The following KAT2B variants were observed in gnomAD, a reference collection of about 807,000 sequenced individuals.
The protein encoded by KAT2B is histone acetyltransferase KAT2B.
KAT2B carries 36 observed loss-of-function variants against 105.9 expected under a neutral mutation model. The ratio of observed to expected loss-of-function variants is 0.34; its 90% CI spans 0.26 to 0.45. The LOEUF (loss-of-function observed/expected upper bound fraction) is 0.45. Among genes scored for constraint, KAT2B ranks in the 20% least tolerant of loss-of-function variants. The pLI, the probability that KAT2B is intolerant of heterozygous loss-of-function variation, is 1.00. For synonymous variants in KAT2B, 397 were observed against 377.9 expected (o/e 1.05, Z -0.59); for missense variants, 820 against 1,021.6 (o/e 0.80, Z 2.69).
chr3:20,127,676 T>A, intron 11 of KAT2B, 127 bp downstream of exon 11: 1 of 865,476 alleles, frequency 1.2e-6, no homozygotes, highest in African/African-American at 1.7e-5. Context: ...AAGGACTTTC[T>A]GGGAATAGTC....
intron 12 of KAT2B, among the ~76,000 whole-genome samples, chr3:20,139,318 G>C (rs887681288): frequency 2.0e-5 from 3 of 151,992 alleles, no homozygotes; most frequent in African/African-American, 7.3e-5. Context: ...CATTGTTTGA[G>C]ATGCATTTTA....
At chr3:20,126,230 G>C in intron 10 of KAT2B, 117 bp downstream of exon 10, 1 of 807,254 alleles carries the variant, frequency 1.2e-6, no homozygotes, top group South Asian at 1.7e-5. Flanking sequence ...CTGTCTTGCT[G>C]TGGATACAGA....
intron 1 of KAT2B, among the ~76,000 whole-genome samples, chr3:20,066,270 T>C (rs1698221650): frequency 6.6e-6 from 1 of 152,324 alleles, no homozygotes; most frequent in African/African-American, 2.4e-5. Flanking sequence ...TTCTTCTTTC[T>C]CTTAGGAAAA....
At chr3:20,134,711 C>T (rs1699571460) in intron 11 of KAT2B, among the ~76,000 whole-genome samples, 1 of 152,148 alleles carries the variant, frequency 6.6e-6, no homozygotes, top group Non-Finnish European at 1.5e-5. Context: ...TTATAGGCCA[C>T]CGCGCCCAGC....
chr3:20,063,530 G>T (rs1208934757), intron 1 of KAT2B, among the ~76,000 whole-genome samples: 1 of 131,024 alleles, frequency 7.6e-6, no homozygotes, highest in East Asian at 2.2e-4. Flanking sequence ...TTCTGAGTAG[G>T]CCTCTTTTTT....
At chr3:20,144,800 C>CT (rs201923590) in intron 13 of KAT2B, among the ~76,000 whole-genome samples, 4,685 of 144,150 alleles carry the variant, frequency 0.033, 184 homozygotes, top group East Asian at 0.21. Context: ...CTTTCTTTTT[C>CT]TTTTTTTTTT....
chr3:20,123,257 A>G (rs1699343392), intron 9 of KAT2B, among the ~76,000 whole-genome samples: 1 of 152,180 alleles, frequency 6.6e-6, no homozygotes, highest in African/African-American at 2.4e-5. Context: ...AACACATGTC[A>G]TAATACTTCA....
intron 2 of KAT2B, among the ~76,000 whole-genome samples, chr3:20,094,240 C>A (rs1371487460): frequency 6.6e-6 from 1 of 152,102 alleles, no homozygotes; most frequent in Non-Finnish European, 1.5e-5. Context: ...GAAGGCAAGT[C>A]TTACATGGCA....
At chr3:20,068,621 C>A (rs565673955) in intron 1 of KAT2B, among the ~76,000 whole-genome samples, 34 of 152,138 alleles carry the variant, frequency 2.2e-4, no homozygotes, top group African/African-American at 8.0e-4. Flanking sequence ...TCCCCATCCC[C>A]GGCTACCCCT....
intron 2 of KAT2B, among the ~76,000 whole-genome samples, chr3:20,087,184 A>G (rs1698635147): frequency 6.6e-6 from 1 of 152,168 alleles, no homozygotes; most frequent in African/African-American, 2.4e-5. Flanking sequence ...TCTAGTTTCA[A>G]ATAGCTAGAT....
chr3:20,051,468 C>T (rs906242945), intron 1 of KAT2B, among the ~76,000 whole-genome samples: 1 of 152,116 alleles, frequency 6.6e-6, no homozygotes, highest in African/African-American at 2.4e-5. Flanking sequence ...AGTTGCTATA[C>T]GTTGTAGTCG....
At chr3:20,063,534 CTT>C (rs36058009) in intron 1 of KAT2B, among the ~76,000 whole-genome samples, 364 of 88,336 alleles carry the variant, frequency 4.1e-3, no homozygotes, top group South Asian at 0.011. Flanking sequence ...GAGTAGGCCT[CTT>C]TTTTTTTTTT....
rs570042449 is a variant in KAT2B at position 20,138,204 on chromosome 3, T to G, written c.1860+1152T>G. On this transcript the variant is annotated intron_variant, in intron 12 of 17. Transcript: ENST00000263754. ...ATTTACTGTTAATGCTTTGATTTTTTTATTTTAAAATTTTTTCTGTTATTT... is the reference window on the plus strand; with the variant it reads ...ATTTACTGTTAATGCTTTGATTTTTGTATTTTAAAATTTTTTCTGTTATTT... 4.2e-4 allele frequency among the ~76,000 whole-genome samples: 64 copies of G among 152,344 alleles called. 1 individual carries two copies. The South Asian group carries it at 0.013, about 30-fold the overall frequency.
At chr3:20,119,352 A>T (rs1699266706) in intron 7 of KAT2B, among the ~76,000 whole-genome samples, 1 of 147,784 alleles carries the variant, frequency 6.8e-6, no homozygotes, top group Non-Finnish European at 1.5e-5. Context: ...AGCTTTTCTC[A>T]TCTCCACTAA....
chr3:20,092,456 C>G (rs1328121493), intron 2 of KAT2B, among the ~76,000 whole-genome samples: 1 of 151,842 alleles, frequency 6.6e-6, no homozygotes, highest in Non-Finnish European at 1.5e-5. Flanking sequence ...TCTCAAACTC[C>G]TGACCTCACA....
intron 7 of KAT2B, among the ~76,000 whole-genome samples, chr3:20,118,221 A>T (rs921483109): frequency 6.8e-6 from 1 of 146,466 alleles, no homozygotes; most frequent in South Asian, 2.1e-4. Context: ...ATATTTACAT[A>T]TGTAAATATG....
intron 6 of KAT2B, among the ~76,000 whole-genome samples, chr3:20,114,104 C>G (rs900201542): frequency 1.3e-5 from 2 of 151,562 alleles, no homozygotes; most frequent in South Asian, 2.1e-4. Context: ...ATTTTTTATT[C>G]TTTTTAAATC....
chr3:20,116,708 C>A (rs1415169555), intron 7 of KAT2B, among the ~76,000 whole-genome samples: 1 of 152,088 alleles, frequency 6.6e-6, no homozygotes, highest in African/African-American at 2.4e-5. Flanking sequence ...ATAATTGATA[C>A]ATTTATTAAG....
intron 2 of KAT2B, among the ~76,000 whole-genome samples, chr3:20,086,990 C>A (rs1438438733): frequency 2.6e-5 from 4 of 152,092 alleles, no homozygotes; most frequent in Non-Finnish European, 5.9e-5. Context: ...CCATGTTGGC[C>A]AGGCTGCTTT....
Sources: gnomAD v4.1 joint callset for allele counts (sites outside exome capture counted in the v4.1 genomes callset) on GRCh38, gnomAD v4.1.1 for gene constraint, MANE v1.5 for transcripts, NCBI Gene and HGNC (gene_info 2026-07-23, HGNC 2026-07-21) for gene names.